Variants in PEPD observed in about 807,000 individuals in gnomAD.
PEPD encodes xaa-Pro dipeptidase.
In PEPD, 53 loss-of-function variants were observed where a neutral mutation model predicts 60.7. The ratio of observed to expected loss-of-function variants is 0.87; its 90% confidence interval spans 0.70 to 1.10. The LOEUF (loss-of-function observed/expected upper bound fraction) is 1.10, where lower values mean the gene tolerates loss of function less well. PEPD is among the 50% of genes least tolerant of loss of function. PEPD has a pLI of 0.00. For missense variants in PEPD, 711 were observed against 711.9 expected (o/e 1.00, Z 0.01); for synonymous variants, 267 against 284.1 (o/e 0.94, Z 0.60).
intron 9 of PEPD, among the ~76,000 whole-genome samples, chr19:33,445,572 G>A (rs1969576636): frequency 6.6e-6 from 1 of 152,238 alleles, no homozygotes; most frequent in Admixed American, 6.5e-5. Flanking sequence ...AAGCCCAGGA[G>A]AGAGGCCTCA....
chr19:33,485,055 G>A lies in PEPD; in HGVS notation c.503+4941C>T, dbSNP rs563260279. Among the ~76,000 whole-genome samples the A allele has an allele frequency of 2.6e-5, 4 of 152,288 alleles. No homozygotes were observed. In the East Asian group the frequency reaches 7.7e-4, roughly 29 times the overall value. On this transcript the variant is annotated intron_variant, in intron 6 of 14. Transcript: ENST00000244137. ...GGGAGATGAGAGGGCCAAAGCCCCT[G>A]TCCCAGGCCACTGGCTTCTTTCCGG...
intron 9 of PEPD, among the ~76,000 whole-genome samples, chr19:33,422,607 C>T (rs921803508): frequency 1.4e-5 from 2 of 143,954 alleles, no homozygotes; most frequent in African/African-American, 5.3e-5. Context: ...AACTACCCAT[C>T]CATCCATCCA....
intron 1 of PEPD, among the ~76,000 whole-genome samples, chr19:33,514,975 C>G (rs1970998819): frequency 6.6e-6 from 1 of 152,168 alleles, no homozygotes; most frequent in Non-Finnish European, 1.5e-5. Context: ...GGGCCAGGTC[C>G]CTGGCTAACA....
intron 12 of PEPD, 40 bp downstream of exon 12, chr19:33,401,681 C>T: frequency 2.5e-6 from 4 of 1,584,434 alleles, no homozygotes; most frequent in Non-Finnish European, 3.4e-6. Context: ...GCCCCCAACG[C>T]CACGTCAGAT....
At chr19:33,389,928 G>A (rs1968173217) in intron 13 of PEPD, among the ~76,000 whole-genome samples, 2 of 152,256 alleles carry the variant, frequency 1.3e-5, no homozygotes, top group Admixed American at 6.5e-5. Context: ...CGGGTGGAGC[G>A]CAGAGCCATG....
intron 9 of PEPD, among the ~76,000 whole-genome samples, chr19:33,416,235 G>T (rs1280246922): frequency 6.6e-6 from 1 of 152,196 alleles, no homozygotes; most frequent in Non-Finnish European, 1.5e-5. Flanking sequence ...TGGGCTATGA[G>T]GACAGGCTAA....
intron 11 of PEPD, among the ~76,000 whole-genome samples, chr19:33,410,536 G>A (rs1968739939): frequency 6.6e-6 from 1 of 152,216 alleles, no homozygotes; most frequent in African/African-American, 2.4e-5. Context: ...TGTAGGGTGA[G>A]GCGGGGTCCA....
At chr19:33,412,724 G>C (rs1968805071) in intron 10 of PEPD, among the ~76,000 whole-genome samples, 1 of 152,254 alleles carries the variant, frequency 6.6e-6, no homozygotes, top group Non-Finnish European at 1.5e-5. Flanking sequence ...TCCAAGGACT[G>C]AGATTTCACA....
chr19:33,482,235 T>C (rs746067035), intron 6 of PEPD, among the ~76,000 whole-genome samples: 13 of 152,314 alleles, frequency 8.5e-5, no homozygotes, highest in South Asian at 2.1e-4. Context: ...AGGATATATA[T>C]ACATCATGAC....
intron 9 of PEPD, among the ~76,000 whole-genome samples, chr19:33,448,095 C>CA (rs1386438579): frequency 6.6e-6 from 1 of 152,218 alleles, no homozygotes; most frequent in Non-Finnish European, 1.5e-5. Flanking sequence ...CCACAGAACT[C>CA]AGAGCTAGGA....
rs892962872 is a variant in PEPD at position 33,390,572 on chromosome 19, A to T, written c.1152+723T>A. On this transcript the variant is annotated intron_variant, in intron 13 of 14. Transcript: ENST00000244137. ...CACGATTGCACAATCAGCCCCCTGC[A>T]TTGGGCAGCCCGCCAAGGGCAGGGA... 5.9e-5 allele frequency among the ~76,000 whole-genome samples: 9 copies of T among 152,198 alleles called. No homozygotes were observed. In the East Asian group the frequency reaches 1.5e-3, roughly 26 times the overall value.
At chr19:33,481,495 G>A (rs1470384022) in intron 6 of PEPD, among the ~76,000 whole-genome samples, 2 of 152,152 alleles carry the variant, frequency 1.3e-5, no homozygotes, top group African/African-American at 4.8e-5. Context: ...GAACCCAGGA[G>A]GCTGAGCATG....
At chr19:33,468,442 C>T (rs1970059934) in intron 7 of PEPD, among the ~76,000 whole-genome samples, 1 of 152,258 alleles carries the variant, frequency 6.6e-6, no homozygotes, top group Admixed American at 6.5e-5. Flanking sequence ...CCTCTTCCTC[C>T]TCCTCGGCCT....
chr19:33,518,818 G>A (rs1971075634), intron 1 of PEPD, among the ~76,000 whole-genome samples: 1 of 152,184 alleles, frequency 6.6e-6, no homozygotes, highest in African/African-American at 2.4e-5. Context: ...ATGGGCAGAC[G>A]TGTAAAAGTG....
rs146604337 is a variant in PEPD, at chr19:33,515,124, C to T, written c.18-2348G>A. Reference sequence around the variant, plus strand: ...GTTGCCTCGGTCACTGCCGTGCCCTCGCCTGGTGCCTTGCCTGACACACAG... The same window carrying T: ...GTTGCCTCGGTCACTGCCGTGCCCTTGCCTGGTGCCTTGCCTGACACACAG... On this transcript the variant is annotated intron_variant, in intron 1 of 14. Coordinates refer to ENST00000244137, the MANE Select transcript of PEPD (RefSeq NM_000285.4). 3.8e-3 allele frequency among the ~76,000 whole-genome samples: 583 copies of T among 152,320 alleles called. 3 individuals carry two copies. Among genetic ancestry groups the T allele is most frequent in the Non-Finnish European group, 5.8e-3 (395 of 68,030 alleles).
intron 9 of PEPD, among the ~76,000 whole-genome samples, chr19:33,441,362 G>A (rs1226982824): frequency 1.3e-5 from 2 of 152,200 alleles, no homozygotes; most frequent in African/African-American, 4.8e-5. Context: ...GCCCAGTAGT[G>A]CAGACCTGAT....
chr19:33,387,009 A>G lies in PEPD; in HGVS notation c.*335T>C, dbSNP rs1358390964. The G allele has an allele frequency of 5.8e-6, 2 of 346,754 alleles. No homozygotes were observed. Among genetic ancestry groups the G allele is most frequent in the Admixed American group, 4.5e-5 (1 of 22,326 alleles). 21.5% of individuals were successfully genotyped at this position (346,754 alleles called of 1,614,324 possible). On this transcript the variant is annotated 3_prime_UTR_variant, in exon 15 of 15. Transcript: ENST00000244137. ...TTCTGCATATTGATTTTTGACAGAA[A>G]GTATCAGAAATGCTTCTTTCCTGGG...
At chr19:33,460,417 G>C (rs1324427588) in intron 9 of PEPD, among the ~76,000 whole-genome samples, 1 of 152,138 alleles carries the variant, frequency 6.6e-6, no homozygotes, top group Non-Finnish European at 1.5e-5. Flanking sequence ...CTTCAACCTG[G>C]ACACTGGCAA....
intron 9 of PEPD, among the ~76,000 whole-genome samples, chr19:33,426,397 G>A (rs982275044): frequency 4.6e-5 from 7 of 152,212 alleles, no homozygotes; most frequent in South Asian, 2.1e-4. Flanking sequence ...CAAATGTGTC[G>A]TTTCAGATCT....
Sources: allele counts gnomAD v4.1 joint callset (sites outside exome capture counted in the v4.1 genomes callset), GRCh38; gene constraint gnomAD v4.1.1; transcripts MANE v1.5; gene names NCBI Gene and HGNC (gene_info 2026-07-23, HGNC 2026-07-21).